BHLHE40: variants seen among roughly 807,000 people sequenced by gnomAD.
BHLHE40 encodes basic helix-loop-helix family member e40.
Under a neutral mutation model 35.7 loss-of-function variants are expected in BHLHE40, and 3 were observed. The observed-to-expected ratio is 0.08, with a 90% confidence interval of 0.04 to 0.22. BHLHE40 has a LOEUF of 0.22. Ranked by LOEUF, BHLHE40 falls within the 10% of genes least tolerant of loss-of-function variation. The pLI is 1.00. For missense variants in BHLHE40, 486 were observed against 524.0 expected (o/e 0.93, Z 0.71); for synonymous variants, 236 against 213.0 (o/e 1.11, Z -0.94).
chr3:4,982,652 T>G (rs2053207843), intron 4 of BHLHE40, among the ~76,000 whole-genome samples, 184 bp from the exon 5 acceptor site: 1 of 152,234 alleles, frequency 6.6e-6, no homozygotes, highest in Admixed American at 6.5e-5. Context: ...ATGGATTATT[T>G]TAATTATTTA....
chr3:4,979,462 C>G lies in BHLHE40; in HGVS notation c.-257C>G, dbSNP rs1216767966. 5.0e-6 allele frequency: 2 copies of G among 401,950 alleles called. No homozygotes were observed. Among genetic ancestry groups the G allele is most frequent in the African/African-American group, 4.3e-5 (2 of 47,042 alleles). 24.9% of individuals were successfully genotyped at this position (401,950 alleles called of 1,614,324 possible). On this transcript the variant is annotated 5_prime_UTR_variant, in exon 1 of 5. Coordinates refer to ENST00000256495, the MANE Select transcript of BHLHE40 (RefSeq NM_003670.3). The stretch of plus-strand genomic sequence containing the variant: ...ATTCACTTGGCTCGCACGGCGCAGA[C>G]AGACCGCGCAGGGAGCACACACCGC...
At chr3:4,981,558 G>A in intron 4 of BHLHE40, 43 bp downstream of exon 4, 1 of 1,600,314 alleles carries the variant, frequency 6.2e-7, no homozygotes, top group Non-Finnish European at 8.5e-7. Context: ...GAGTTTGAGT[G>A]CAAATAGAGA....
At chr3:4,980,963 C>T (rs2053188882) in intron 3 of BHLHE40, among the ~76,000 whole-genome samples, 1 of 151,436 alleles carries the variant, frequency 6.6e-6, no homozygotes. Context: ...GTAGGGAAAG[C>T]CTCTTGGCTG....
intron 3 of BHLHE40, 46 bp from the exon 4 acceptor site, chr3:4,981,346 G>A: frequency 6.3e-7 from 1 of 1,584,022 alleles, no homozygotes; most frequent in Non-Finnish European, 8.6e-7. Context: ...TCCCAAAGGT[G>A]GGACTTCTCT....
Position 4,982,907 on chromosome 3 carries a change from G to C in BHLHE40, c.454G>C (p.Glu152Gln). ...CTCAGGTTTCCAGACATGTGCCCGG[G>C]AGGTGCTTCAGTATCTGGCCAAGCA... is the stretch of plus-strand genomic sequence containing the variant. ...FCSGFQTCAR[E>Q]VLQYLAKHEN... The change falls in exon 5 of 5, where the codon GAG (glutamate) becomes CAG (glutamine). Residue 152 changes from glutamate (E) to glutamine (Q), a missense_variant. This residue lies in a region of BHLHE40 where 176 missense variants were observed against 180.5 expected (regional missense o/e 0.98). Transcript: ENST00000256495. The C allele has an allele frequency of 6.2e-7, 1 of 1,614,138 alleles. No homozygotes were observed. The highest frequency in any genetic ancestry group is 8.5e-7 in the Non-Finnish European group (1 of 1,180,038).
In BHLHE40 at chr3:4,979,979, T is replaced by C; in HGVS notation, c.98T>C (p.Met33Thr). 1 of 1,614,136 alleles carries C rather than the reference T, an allele frequency of 6.2e-7. No individual in the cohort carries two copies. Among genetic ancestry groups the C allele is most frequent in the Non-Finnish European group, 8.5e-7 (1 of 1,180,008 alleles). The change falls in exon 2 of 5, where the codon ATG (methionine) becomes ACG (threonine). Residue 33 changes from methionine to threonine, a missense_variant. Physicochemically the swap from Met to Thr is moderately conservative, Grantham distance 81 (BLOSUM62 -1). This residue lies in a region of BHLHE40 where 87 missense variants were observed against 66.7 expected (regional missense o/e 1.30). Transcript: ENST00000256495. ...GDLPGMYPAH[M>T]YQVYKSRRGI... ...TCCTGCAGGATGTACCCTGCCCACA[T>C]GTACCAAGTGTACAAGTCAAGACGG...
chr3:4,981,589 A>T (rs2053198348), intron 4 of BHLHE40, 74 bp downstream of exon 4: 1 of 1,550,066 alleles, frequency 6.5e-7, no homozygotes, highest in African/African-American at 1.4e-5. Context: ...TCAACATCTG[A>T]TGTAATAAAC....
rs200454830 is a variant in BHLHE40, at chr3:4,981,174, T to TTA, written c.259-207_259-206dup. ...TAAATTATTTAATTATATATATATA[T>TTA]TATATATATATACACACACACACAC... On this transcript the variant is annotated intron_variant, in intron 3 of 4. Coordinates refer to ENST00000256495, the MANE Select transcript of BHLHE40 (RefSeq NM_003670.3). Among the ~76,000 whole-genome samples, 122 of 71,314 alleles carry TTA rather than the reference T, an allele frequency of 1.7e-3. 1 individual carries two copies. The highest frequency in any genetic ancestry group is 0.015 in the East Asian group (31 of 2,042). The allele number at this position is 71,314 out of a possible 152,430, so 46.8% of individuals were successfully genotyped here.
Position 4,980,407 on chromosome 3 carries a change from C to T in BHLHE40, c.257C>T (p.Thr86Ile). ...CTCCTACCCGAACATCTCAAACTTACAGTAAGTGAGAAGCTGGCCCCTTTC... is the reference window on the plus strand; with the variant it reads ...CTCCTACCCGAACATCTCAAACTTATAGTAAGTGAGAAGCTGGCCCCTTTC... ...KDLLPEHLKL[T>I]TLGHLEKAVV... The change falls in exon 3 of 5, where the codon ACA becomes ATA. Residue 86 changes from threonine to isoleucine, a missense_variant and splice_region_variant. By Grantham distance (89) the Thr-to-Ile change is moderately conservative. Coordinates refer to ENST00000256495, the MANE Select transcript of BHLHE40 (RefSeq NM_003670.3). The T allele has an allele frequency of 6.2e-7, 1 of 1,613,070 alleles. No homozygotes were observed. The highest frequency in any genetic ancestry group is 1.1e-5 in the South Asian group (1 of 91,026).
chr3:4,982,188 G>A (rs1220557436), intron 4 of BHLHE40, among the ~76,000 whole-genome samples: 1 of 152,098 alleles, frequency 6.6e-6, no homozygotes, highest in Non-Finnish European at 1.5e-5. Flanking sequence ...TCGAAGGCTC[G>A]TATGATGAAA....
In BHLHE40 at chr3:4,979,950, C is replaced by T; in HGVS notation, c.81-12C>T. The T allele has an allele frequency of 6.2e-7, 1 of 1,614,114 alleles. No individual in the cohort carries two copies. The highest frequency in any genetic ancestry group is 2.2e-5 in the East Asian group (1 of 44,876). On this transcript the variant is annotated splice_polypyrimidine_tract_variant and intron_variant, in intron 1 of 4. Transcript: ENST00000256495. ...AAGCAGTCACGACCCTTCCTGGTCT[C>T]TCTTCCTGCAGGATGTACCCTGCCC...
At chr3:4,981,928 G>C (rs1276113860) in intron 4 of BHLHE40, among the ~76,000 whole-genome samples, 1 of 152,164 alleles carries the variant, frequency 6.6e-6, no homozygotes, top group Non-Finnish European at 1.5e-5. Flanking sequence ...TTGGTGTGTG[G>C]TGTGATCCTG....
chr3:4,982,778 T>TTTCCAGG, intron 4 of BHLHE40, 58 bp from the exon 5 acceptor site: 2 of 1,600,700 alleles, frequency 1.2e-6, no homozygotes, highest in Non-Finnish European at 1.7e-6. Flanking sequence ...TGGAGTATAG[T>TTTCCAGG]TTCCAGGTGC....
rs571085904 is a variant in BHLHE40 at position 4,983,476 on chromosome 3, G to A, written c.1023G>A (p.Lys341=). 756 of 1,614,156 alleles carry A rather than the reference G, an allele frequency of 4.7e-4. 8 individuals carry two copies. The South Asian group carries it at 7.9e-3, about 17-fold the overall frequency. The change falls in exon 5 of 5, where the codon AAG becomes AAA. Residue 341 remains lysine, a synonymous_variant. Transcript: ENST00000256495. This position sits in a 1 kb window ranked among gnomAD's most constrained non-coding sequence, Gnocchi z 5.0. Reference sequence around the variant, plus strand: ...CTGCCTACCTGCCCATGCTGGAGAAGTGCTGGTATCCCACCTCAGTGCCAG... The same window carrying A: ...CTGCCTACCTGCCCATGCTGGAGAAATGCTGGTATCCCACCTCAGTGCCAG... The part of the protein sequence containing the change: ...SATAYLPMLE[K]CWYPTSVPVL...
Position 4,980,741 on chromosome 3 carries a change from C to T in BHLHE40, c.258+333C>T, listed in dbSNP as rs185612806. Reference sequence around the variant, plus strand: ...ACACACACATTTTATTTACCCCTTCCCCTCTACCACTCCCCCCACCTTTTT... The same window carrying T: ...ACACACACATTTTATTTACCCCTTCTCCTCTACCACTCCCCCCACCTTTTT... On this transcript the variant is annotated intron_variant, in intron 3 of 4. Transcript: ENST00000256495. 3.7e-4 allele frequency among the ~76,000 whole-genome samples: 56 copies of T among 152,280 alleles called. No homozygotes were observed. The East Asian group carries it at 8.3e-3, about 23-fold the overall frequency.
chr3:4,979,823 C>T, intron 1 of BHLHE40, 25 bp downstream of exon 1: 1 of 1,589,380 alleles, frequency 6.3e-7, no homozygotes, highest in Non-Finnish European at 8.6e-7. Flanking sequence ...CTTGGCCCTT[C>T]AAGCCTCAAC....
chr3:4,980,049 T>C lies in BHLHE40; in HGVS notation c.150+18T>C, dbSNP rs2106496150. The C allele has an allele frequency of 1.2e-6, 2 of 1,613,068 alleles. No individual in the cohort carries two copies. Among genetic ancestry groups the C allele is most frequent in the East Asian group, 4.5e-5 (2 of 44,866 alleles). On this transcript the variant is annotated intron_variant, in intron 2 of 4. Transcript: ENST00000256495. ...ACAGCAAGGTAAGCAAGTGCACCCCTAGGGACCCTGCGCTCAGCCCCTCGC... is the reference window on the plus strand; with the variant it reads ...ACAGCAAGGTAAGCAAGTGCACCCCCAGGGACCCTGCGCTCAGCCCCTCGC...
At chr3:4,980,462 G>A in intron 3 of BHLHE40, 54 bp downstream of exon 3, 3 of 1,487,972 alleles carry the variant, frequency 2.0e-6, no homozygotes, top group Non-Finnish European at 2.8e-6. Context: ...GAGGGCGGGC[G>A]GGTCACTCGC....
At position 4,984,569 on chromosome 3, in the gene BHLHE40, C is replaced by T. The variant is rs1254277236; in HGVS notation, c.*877C>T. Reference sequence around the variant, plus strand: ...CACAAAGCTGAGTAAAAAGCTGCCCCCTTCAAACAGAACTAGACTCAGTTT... The same window carrying T: ...CACAAAGCTGAGTAAAAAGCTGCCCTCTTCAAACAGAACTAGACTCAGTTT... On this transcript the variant is annotated 3_prime_UTR_variant, in exon 5 of 5. Transcript: ENST00000256495. 1 of 152,366 alleles carries T rather than the reference C, an allele frequency of 6.6e-6. No individual in the cohort carries two copies. Among genetic ancestry groups the T allele is most frequent in the Admixed American group, 6.5e-5 (1 of 15,280 alleles). 9.4% of individuals were successfully genotyped at this position (152,366 alleles called of 1,614,324 possible). A position where few individuals can be genotyped will look rare whatever the true frequency, so the allele number is the denominator to read the frequency against.
Sources: gnomAD v4.1 joint callset for allele counts (sites outside exome capture counted in the v4.1 genomes callset) on GRCh38, gnomAD v4.1.1 for gene constraint, gnomAD v4.1.1 regional missense constraint, Gnocchi (gnomAD v3.1) non-coding constraint, MANE v1.5 for transcripts, NCBI Gene and HGNC (gene_info 2026-07-23, HGNC 2026-07-21) for gene names.